BCAS1: variants seen among roughly 807,000 people sequenced by gnomAD.
BCAS1 encodes breast carcinoma-amplified sequence 1.
Under a neutral mutation model 65.4 loss-of-function variants are expected in BCAS1, and 46 were observed. That is an observed-to-expected ratio of 0.70 (90% CI 0.55 to 0.90). BCAS1 has a LOEUF of 0.90. BCAS1 is among the 40% of genes least tolerant of loss of function. The probability of loss-of-function intolerance (pLI) is 0.00; values close to 1 mark genes in which losing one functional copy is unlikely to be tolerated. For synonymous variants in BCAS1, 298 were observed against 293.5 expected (o/e 1.02, Z -0.16); for missense variants, 793 against 771.2 (o/e 1.03, Z -0.33).
At chr20:53,979,853 G>T (rs2090433028) in intron 8 of BCAS1, among the ~76,000 whole-genome samples, 1 of 152,180 alleles carries the variant, frequency 6.6e-6, no homozygotes, top group Non-Finnish European at 1.5e-5. Context: ...ATTAGCAACA[G>T]CAATTTTTAT....
intron 3 of BCAS1, among the ~76,000 whole-genome samples, chr20:54,055,549 C>T (rs1307143603): frequency 1.8e-4 from 28 of 152,096 alleles, no homozygotes; most frequent in Admixed American, 1.8e-3. Flanking sequence ...GGGTCCCTCC[C>T]ACAACACATG....
At chr20:53,975,601 GTATA>G (rs11471112) in intron 8 of BCAS1, among the ~76,000 whole-genome samples, 171 bp from the exon 9 acceptor site, 1 of 147,636 alleles carries the variant, frequency 6.8e-6, no homozygotes. Flanking sequence ...AATGAAAACG[GTATA>G]TATATATATA....
intron 7 of BCAS1, among the ~76,000 whole-genome samples, chr20:53,989,212 T>C (rs112483404): frequency 1.3e-5 from 2 of 152,108 alleles, no homozygotes; most frequent in Non-Finnish European, 2.9e-5. Context: ...GAGATAAAGA[T>C]TGGGAAACAC....
intron 6 of BCAS1, among the ~76,000 whole-genome samples, chr20:53,993,610 G>A (rs115327534): frequency 8.5e-4 from 130 of 152,264 alleles, no homozygotes; most frequent in African/African-American, 3.0e-3. Flanking sequence ...GAGAATGAGT[G>A]CATCAGGTCA....
intron 3 of BCAS1, among the ~76,000 whole-genome samples, chr20:54,031,328 C>T (rs2091794754): frequency 6.6e-6 from 1 of 151,320 alleles, no homozygotes; most frequent in African/African-American, 2.4e-5. Context: ...ATAGCAAATC[C>T]AAACAGTAGC....
At chr20:53,960,669 C>G (rs887381648) in intron 10 of BCAS1, among the ~76,000 whole-genome samples, 3 of 150,460 alleles carry the variant, frequency 2.0e-5, no homozygotes, top group South Asian at 2.1e-4. Flanking sequence ...CAACTGTTTC[C>G]TTCCTTCCTT....
In BCAS1 at chr20:53,969,684, G is replaced by T. The variant is rs565960216; in HGVS notation, c.1318-2611C>A. On this transcript the variant is annotated intron_variant, in intron 9 of 12. Coordinates refer to ENST00000688948, the MANE Select transcript of BCAS1 (RefSeq NM_001366298.2). The stretch of plus-strand genomic sequence containing the variant: ...CTAACAACTTTGGCTCTTTGTTCTT[G>T]GCTCCACTATTCTTGGCATGCTAGA... Among the ~76,000 whole-genome samples the T allele has an allele frequency of 3.9e-5, 6 of 152,108 alleles. No homozygotes were observed. The South Asian group carries it at 1.2e-3, about 32-fold the overall frequency.
rs117351127 is a variant in BCAS1 at position 53,969,858 on chromosome 20, G to T, written c.1318-2785C>A. On this transcript the variant is annotated intron_variant, in intron 9 of 12. Transcript: ENST00000688948. ...CTGTATTTTGATCCCCTACCTCAGG[G>T]TACCTAAATTTCATGGGTCAGAGCT... Among the ~76,000 whole-genome samples, 1,099 of 152,290 alleles carry T rather than the reference G, an allele frequency of 7.2e-3. 10 individuals carry two copies. Among genetic ancestry groups the T allele is most frequent in the South Asian group, 0.041 (200 of 4,820 alleles).
rs375640595 is a variant in BCAS1 at position 54,058,688 on chromosome 20, C to A, written c.31G>T (p.Val11Phe). ...TCTGGTTCATTCTCTTGGTCTTCAA[C>A]TCTTTGGGGAACACTCATTTGGTTA... The part of the protein sequence containing the change: MGNQMSVPQR[V>F]EDQENEPEAE... Residue 11 changes from valine (V) to phenylalanine (F), a missense_variant, in exon 2 of 13, where the codon GTT (valine) becomes TTT (phenylalanine). Physicochemically the swap from Val to Phe is conservative, Grantham distance 50. Transcript: ENST00000688948. The A allele has an allele frequency of 6.5e-7, 1 of 1,534,456 alleles. No homozygotes were observed. The highest frequency in any genetic ancestry group is 8.8e-7 in the Non-Finnish European group (1 of 1,132,482).
At chr20:54,014,647 A>G (rs1600871306) in intron 4 of BCAS1, among the ~76,000 whole-genome samples, 1 of 152,220 alleles carries the variant, frequency 6.6e-6, no homozygotes, top group South Asian at 2.1e-4. Context: ...GGTGAACACA[A>G]GAAAATTTGT....
chr20:53,985,192 C>T (rs1399682524), intron 8 of BCAS1, 95 bp downstream of exon 8: 4 of 1,195,470 alleles, frequency 3.3e-6, no homozygotes, highest in Non-Finnish European at 4.9e-6. Context: ...AAACACCTTC[C>T]ATACATTGTT....
In BCAS1 at chr20:53,944,641, C is replaced by A; in HGVS notation, c.*281G>T. On this transcript the variant is annotated 3_prime_UTR_variant, in exon 13 of 13. Transcript: ENST00000688948. The stretch of plus-strand genomic sequence containing the variant: ...CCATTTTCATCACTTAACCCGAACA[C>A]ATTCCTCTATTCCCTCCCTTTCCTG... 2.6e-6 allele frequency: 1 copy of A among 377,466 alleles called. No homozygotes were observed. Among genetic ancestry groups the A allele is most frequent in the Non-Finnish European group, 5.0e-6 (1 of 198,956 alleles). 23.4% of individuals were successfully genotyped at this position (377,466 alleles called of 1,614,324 possible). A position where few individuals can be genotyped will look rare whatever the true frequency, so the allele number is the denominator to read the frequency against.
chr20:54,068,984 A>G (rs1251338122), intron 1 of BCAS1, among the ~76,000 whole-genome samples: 4 of 152,278 alleles, frequency 2.6e-5, no homozygotes, highest in East Asian at 1.9e-4. Flanking sequence ...CCCAAAGCTC[A>G]TGCCTTTTTC....
chr20:54,035,356 A>G (rs1255166631), intron 3 of BCAS1, among the ~76,000 whole-genome samples: 1 of 145,706 alleles, frequency 6.9e-6, no homozygotes, highest in East Asian at 2.0e-4. Context: ...AGCCGAGACC[A>G]CATCACTGCA....
At chr20:53,990,003 G>A (rs1355907155) in intron 7 of BCAS1, among the ~76,000 whole-genome samples, 1 of 152,100 alleles carries the variant, frequency 6.6e-6, no homozygotes, top group African/African-American at 2.4e-5. Flanking sequence ...AAATTCTAGT[G>A]GATTCAATTT....
chr20:53,945,336 C>T (rs2089277798), intron 12 of BCAS1, among the ~76,000 whole-genome samples: 2 of 152,068 alleles, frequency 1.3e-5, no homozygotes, highest in African/African-American at 4.8e-5. Context: ...CTAGGGGGTA[C>T]TAATTCTACC....
At chr20:53,962,253 T>A (rs927295179) in intron 10 of BCAS1, among the ~76,000 whole-genome samples, 3 of 152,242 alleles carry the variant, frequency 2.0e-5, no homozygotes. Flanking sequence ...TTTGTTAGAC[T>A]TACTAGATTG....
chr20:54,011,255 T>C (rs2091313134), intron 4 of BCAS1, among the ~76,000 whole-genome samples: 1 of 152,144 alleles, frequency 6.6e-6, no homozygotes, highest in Admixed American at 6.5e-5. Flanking sequence ...TAAAAAATTT[T>C]GCCCTGTAAA....
At chr20:53,985,607 A>G (rs2090597803) in intron 7 of BCAS1, 108 bp from the exon 8 acceptor site, 1 of 949,028 alleles carries the variant, frequency 1.1e-6, no homozygotes, top group African/African-American at 1.7e-5. Flanking sequence ...CATAATGTTA[A>G]TTTTCTTCTT....
Sources: gnomAD v4.1 joint callset for allele counts (sites outside exome capture counted in the v4.1 genomes callset) on GRCh38, gnomAD v4.1.1 for gene constraint, MANE v1.5 for transcripts, NCBI Gene and HGNC (gene_info 2026-07-23, HGNC 2026-07-21) for gene names.